The following MAP2 variants were observed in gnomAD, a reference collection of about 807,000 sequenced individuals.
MAP2 encodes the protein microtubule associated protein 2, also known as microtubule-associated protein 2.
MAP2 carries 14 observed loss-of-function variants against 137.6 expected under a neutral mutation model. That is an observed-to-expected ratio of 0.10 (90% CI 0.07 to 0.16). MAP2 has a LOEUF of 0.16. Among genes scored for constraint, MAP2 ranks in the 10% least tolerant of loss-of-function variants. The pLI is 1.00. For synonymous variants in MAP2, 786 were observed against 782.3 expected (o/e 1.00, Z -0.08); for missense variants, 2,088 against 2,191.5 (o/e 0.95, Z 0.94).
In MAP2 at chr2:209,695,668, C is replaced by T. The variant is rs376049781; in HGVS notation, c.3498C>T (p.Ala1166=). 9.2e-5 allele frequency: 149 copies of T among 1,613,942 alleles called. No individual in the cohort carries two copies. The Admixed American group carries it at 1.7e-3, about 19-fold the overall frequency. The change falls in exon 8 of 16, where the codon GCC becomes GCT. Residue 1166 remains alanine, a synonymous_variant. Coordinates refer to ENST00000682079, the MANE Select transcript of MAP2 (RefSeq NM_001375505.1). The part of the protein sequence containing the change: ...PESSLIQDEI[A]VKLSVEIPCP... ...CATCTCTAATTCAAGATGAGATTGC[C>T]GTCAAATTGTCAGTGGAAATACCTT...
At chr2:209,551,509 A>T (rs1315540430) in intron 2 of MAP2, among the ~76,000 whole-genome samples, 4 of 152,224 alleles carry the variant, frequency 2.6e-5, no homozygotes, top group Non-Finnish European at 4.4e-5. Flanking sequence ...CATAGAGCCC[A>T]AAGAGCTCAG....
intron 1 of MAP2, among the ~76,000 whole-genome samples, chr2:209,460,309 A>G (rs1702457724): frequency 6.6e-6 from 1 of 152,224 alleles, no homozygotes; most frequent in South Asian, 2.1e-4. Flanking sequence ...ATGACGGTCT[A>G]TGTCAGCTAT....
At chr2:209,611,450 A>G (rs2153487735) in intron 3 of MAP2, among the ~76,000 whole-genome samples, 1 of 152,028 alleles carries the variant, frequency 6.6e-6, no homozygotes, top group East Asian at 1.9e-4. Context: ...TAATAGTACC[A>G]TGTAATGCAC....
intron 3 of MAP2, among the ~76,000 whole-genome samples, chr2:209,603,832 G>T (rs1284071388): frequency 1.3e-5 from 2 of 152,078 alleles, no homozygotes; most frequent in Non-Finnish European, 2.9e-5. Flanking sequence ...TTTCAAAGTT[G>T]ATCTAACTAT....
intron 3 of MAP2, among the ~76,000 whole-genome samples, chr2:209,588,133 C>T (rs767915077): frequency 6.6e-6 from 1 of 152,140 alleles, no homozygotes; most frequent in Non-Finnish European, 1.5e-5. Context: ...TGTCAGTCTA[C>T]TCTTTCCATA....
intron 1 of MAP2, among the ~76,000 whole-genome samples, chr2:209,497,817 C>T (rs2059929317): frequency 6.6e-6 from 1 of 152,188 alleles, no homozygotes; most frequent in Admixed American, 6.5e-5. Context: ...AAGGGATCAC[C>T]TCCATGATCC....
chr2:209,675,699 A>C (rs2051055135), intron 5 of MAP2, among the ~76,000 whole-genome samples: 1 of 151,874 alleles, frequency 6.6e-6, no homozygotes, highest in Non-Finnish European at 1.5e-5. Flanking sequence ...TACAATCCCA[A>C]AGAAAAATAC....
chr2:209,693,329 G>A lies in MAP2; in HGVS notation c.1159G>A (p.Ala387Thr). Residue 387 changes from alanine to threonine, a missense_variant, in exon 8 of 16, where the codon GCA (alanine) becomes ACA (threonine). Ala to Thr is a moderately conservative substitution (Grantham distance 58). Coordinates refer to ENST00000682079, the MANE Select transcript of MAP2 (RefSeq NM_001375505.1). ...AATGGCAGAAGCACCACCCTCAGAGGCAATGACCTTACCCAAAGATGCTCA... is the reference window on the plus strand; with the variant it reads ...AATGGCAGAAGCACCACCCTCAGAGACAATGACCTTACCCAAAGATGCTCA... ...DKMAEAPPSE[A>T]MTLPKDAHIP... 6.2e-7 allele frequency: 1 copy of A among 1,613,554 alleles called. No homozygotes were observed. Among genetic ancestry groups the A allele is most frequent in the Non-Finnish European group, 8.5e-7 (1 of 1,179,902 alleles).
intron 1 of MAP2, among the ~76,000 whole-genome samples, chr2:209,425,442 G>C (rs1692296117): frequency 6.6e-6 from 1 of 152,288 alleles, no homozygotes. Flanking sequence ...TTGTATTTGA[G>C]GGTTTGGAAA....
At chr2:209,552,577 T>A (rs1163543283) in intron 2 of MAP2, among the ~76,000 whole-genome samples, 1 of 152,316 alleles carries the variant, frequency 6.6e-6, no homozygotes, top group South Asian at 2.1e-4. Context: ...GAGAAATACT[T>A]ACTGGCCGGG....
intron 15 of MAP2, 46 bp from the exon 16 acceptor site, chr2:209,730,136 A>G: frequency 1.3e-6 from 2 of 1,484,428 alleles, no homozygotes; most frequent in Admixed American, 1.7e-5. Context: ...GGTAGGGGCC[A>G]GTTAAGATGC....
At chr2:209,504,324 G>A in intron 1 of MAP2, among the ~76,000 whole-genome samples, 1 of 151,964 alleles carries the variant, frequency 6.6e-6, no homozygotes, top group East Asian at 1.9e-4. Flanking sequence ...ATATTTGGGA[G>A]TGCACGTAGA....
intron 5 of MAP2, among the ~76,000 whole-genome samples, chr2:209,666,012 A>C (rs1267148991): frequency 6.6e-6 from 1 of 152,320 alleles, no homozygotes; most frequent in Non-Finnish European, 1.5e-5. Context: ...ACTTTTAAAA[A>C]ATCAATTCAC....
At chr2:209,636,131 C>T (rs2093541410) in intron 4 of MAP2, among the ~76,000 whole-genome samples, 1 of 152,190 alleles carries the variant, frequency 6.6e-6, no homozygotes, top group Admixed American at 6.5e-5. Flanking sequence ...ACCATGTGCT[C>T]AGTAATTACT....
At chr2:209,449,342 T>C (rs116575392) in intron 1 of MAP2, among the ~76,000 whole-genome samples, 420 of 152,320 alleles carry the variant, frequency 2.8e-3, no homozygotes, top group African/African-American at 9.6e-3. Context: ...GTCACGCTCC[T>C]TATTCCAGAA....
chr2:209,656,913 C>A (rs574332922), intron 5 of MAP2, among the ~76,000 whole-genome samples: 4 of 152,158 alleles, frequency 2.6e-5, no homozygotes, highest in South Asian at 4.2e-4. Flanking sequence ...AATTTTTCAA[C>A]CCTCACCTCT....
At chr2:209,685,299 A>G (rs995771880) in intron 7 of MAP2, among the ~76,000 whole-genome samples, 3 of 152,180 alleles carry the variant, frequency 2.0e-5, no homozygotes, top group Admixed American at 6.5e-5. Flanking sequence ...TTACAAATAA[A>G]TATTCCATTT....
intron 13 of MAP2, among the ~76,000 whole-genome samples, chr2:209,713,652 G>A (rs1186930922): frequency 1.3e-5 from 2 of 152,110 alleles, no homozygotes; most frequent in Non-Finnish European, 2.9e-5. Context: ...CTAAGTTTTA[G>A]AATAAATAAT....
intron 2 of MAP2, among the ~76,000 whole-genome samples, chr2:209,532,256 AAAG>A (rs2065233330): frequency 2.6e-5 from 4 of 151,762 alleles, no homozygotes; most frequent in South Asian, 4.2e-4. Context: ...AAAAAAAAAA[AAAG>A]AAGAGAAGGA....
Sources: gnomAD v4.1 joint callset for allele counts (sites outside exome capture counted in the v4.1 genomes callset) on GRCh38, gnomAD v4.1.1 for gene constraint, MANE v1.5 for transcripts, NCBI Gene and HGNC (gene_info 2026-07-23, HGNC 2026-07-21) for gene names.